The following PTPN14 variants were observed in gnomAD, a reference collection of about 807,000 sequenced individuals.
PTPN14 encodes tyrosine-protein phosphatase non-receptor type 14.
A neutral mutation model predicts 126.8 loss-of-function variants in PTPN14; 53 were observed. That is an observed-to-expected ratio of 0.42 (90% CI 0.34 to 0.53). PTPN14 has a LOEUF of 0.53. Ranked by LOEUF, PTPN14 falls within the 20% of genes least tolerant of loss-of-function variation. The pLI is 0.08. For synonymous variants in PTPN14, 630 were observed against 599.3 expected, an observed-to-expected ratio of 1.05 and a Z score of -0.75; for missense variants, 1,257 against 1,552.9, an observed-to-expected ratio of 0.81 and a Z score of 3.20.
At chr1:214,548,351 G>A (rs1656023418) in intron 1 of PTPN14, among the ~76,000 whole-genome samples, 1 of 152,122 alleles carries the variant, frequency 6.6e-6, no homozygotes, top group Admixed American at 6.5e-5. Context: ...TGCATACAGA[G>A]GAAGCGTAAA....
intron 5 of PTPN14, among the ~76,000 whole-genome samples, chr1:214,404,755 G>A (rs1659122898): frequency 6.6e-6 from 1 of 152,142 alleles, no homozygotes. Flanking sequence ...CACACCTGTG[G>A]AGCGCCTTGT....
chr1:214,403,090 T>C, intron 5 of PTPN14, 137 bp from the exon 6 acceptor site: 1 of 770,144 alleles, frequency 1.3e-6, no homozygotes, highest in Non-Finnish European at 2.1e-6. Context: ...GCTGTAGAAT[T>C]AAAGGTTGTA....
At chr1:214,417,224 A>G (rs1160776237) in intron 3 of PTPN14, among the ~76,000 whole-genome samples, 1 of 152,224 alleles carries the variant, frequency 6.6e-6, no homozygotes, top group African/African-American at 2.4e-5. Flanking sequence ...ATTGGTGAAC[A>G]TAATTTTGCT....
intron 3 of PTPN14, among the ~76,000 whole-genome samples, chr1:214,445,890 G>C (rs560163997): frequency 6.6e-6 from 1 of 152,210 alleles, no homozygotes; most frequent in African/African-American, 2.4e-5. Context: ...TTTATAATGA[G>C]CCTGTTGCTA....
chr1:214,412,755 C>T (rs1339097284), intron 4 of PTPN14, among the ~76,000 whole-genome samples: 3 of 152,190 alleles, frequency 2.0e-5, no homozygotes, highest in Non-Finnish European at 4.4e-5. Context: ...AAAGGGAATC[C>T]AGAGTAAGTT....
chr1:214,535,374 C>A (rs912649478), intron 1 of PTPN14, among the ~76,000 whole-genome samples: 2 of 152,184 alleles, frequency 1.3e-5, no homozygotes, highest in Non-Finnish European at 2.9e-5. Context: ...AAATCTAGTG[C>A]AAAGGTTATT....
At chr1:214,547,544 T>C (rs1002022302) in intron 1 of PTPN14, among the ~76,000 whole-genome samples, 6 of 152,216 alleles carry the variant, frequency 3.9e-5, no homozygotes, top group African/African-American at 7.2e-5. Flanking sequence ...AACCAGTGGC[T>C]GGCATTACAC....
intron 4 of PTPN14, 134 bp from the exon 5 acceptor site, chr1:214,411,885 C>A: frequency 2.0e-6 from 1 of 506,268 alleles, no homozygotes; most frequent in Non-Finnish European, 3.4e-6. Context: ...AAAAATAGTG[C>A]CAAGATATGT....
intron 1 of PTPN14, among the ~76,000 whole-genome samples, chr1:214,475,136 CATA>C (rs1255001737): frequency 1.3e-5 from 2 of 152,012 alleles, no homozygotes; most frequent in Non-Finnish European, 2.9e-5. Context: ...CTAAAATTTC[CATA>C]ATAATAAGCT....
In PTPN14 at chr1:214,383,914, G is replaced by A; in HGVS notation, c.1941C>T (p.Asn647=). The change falls in exon 13 of 19, where the codon AAC becomes AAT. Residue 647 remains asparagine (N), a synonymous_variant. Transcript: ENST00000366956. This position sits in a 1 kb window ranked among gnomAD's most constrained non-coding sequence, Gnocchi z 4.4. Reference sequence around the variant, plus strand: ...TGGCCTCCATGCCCCGCACCATGCTGTTCATCACCTCCAGGCTGTGGCGCT... The same window carrying A: ...TGGCCTCCATGCCCCGCACCATGCTATTCATCACCTCCAGGCTGTGGCGCT... ...VNKRHSLEVM[N]SMVRGMEAMT... The A allele has an allele frequency of 5.0e-6, 8 of 1,613,414 alleles. No individual in the cohort carries two copies. The highest frequency in any genetic ancestry group is 1.1e-5 in the South Asian group (1 of 91,084).
intron 1 of PTPN14, among the ~76,000 whole-genome samples, chr1:214,538,476 T>C (rs964526040): frequency 6.6e-6 from 1 of 152,204 alleles, no homozygotes; most frequent in Non-Finnish European, 1.5e-5. Flanking sequence ...AGCTCTGCTG[T>C]ATAAAAGGCC....
rs571973151 is a variant in PTPN14 at position 214,445,920 on chromosome 1, T to C, written c.344+5885A>G. 1.4e-4 allele frequency among the ~76,000 whole-genome samples: 21 copies of C among 152,300 alleles called. 1 individual carries two copies. In the South Asian group the frequency reaches 4.4e-3, roughly 32 times the overall value. ...TTGCTATGCAAATCATTAAAACACATTACAAAAATCTTTCCTTTGAGTCAG... is the reference window on the plus strand; with the variant it reads ...TTGCTATGCAAATCATTAAAACACACTACAAAAATCTTTCCTTTGAGTCAG... On this transcript the variant is annotated intron_variant, in intron 3 of 18. Transcript: ENST00000366956.
chr1:214,371,789 C>T (rs947581517), intron 16 of PTPN14, among the ~76,000 whole-genome samples: 2 of 152,084 alleles, frequency 1.3e-5, no homozygotes, highest in Non-Finnish European at 1.5e-5. Context: ...CTTTAAAGAG[C>T]CTGATGTCCC....
chr1:214,411,667 A>G lies in PTPN14; in HGVS notation c.510+17T>C. On this transcript the variant is annotated intron_variant, in intron 5 of 18. Coordinates refer to ENST00000366956, the MANE Select transcript of PTPN14 (RefSeq NM_005401.5). Reference sequence around the variant, plus strand: ...AGAAGGTAGAAAATTAATTAAGAAAAATGAAATTACACTTACCATAGGAAA... The same window carrying G: ...AGAAGGTAGAAAATTAATTAAGAAAGATGAAATTACACTTACCATAGGAAA... The G allele has an allele frequency of 6.9e-7, 1 of 1,450,786 alleles. No homozygotes were observed. The highest frequency in any genetic ancestry group is 2.1e-5 in the Admixed American group (1 of 47,552). The allele number at this position is 1,450,786 out of a possible 1,614,324, so 89.9% of individuals were successfully genotyped here.
Position 214,402,918 on chromosome 1 carries a change from C to A in PTPN14, c.546G>T (p.Leu182=), listed in dbSNP as rs754211201. 1 of 1,613,954 alleles carries A rather than the reference C, an allele frequency of 6.2e-7. No individual in the cohort carries two copies. The highest frequency in any genetic ancestry group is 1.1e-5 in the South Asian group (1 of 91,064). The change falls in exon 6 of 19, where the codon CTG becomes CTT. Residue 182 remains leucine, a synonymous_variant. Coordinates refer to ENST00000366956, the MANE Select transcript of PTPN14 (RefSeq NM_005401.5). ...LALEEAVLEE[L]TQKVAQEHKA... ...TGTGTTCTTGGGCTACCTTCTGGGT[C>A]AGCTCCTCCAGAACAGCCTCTTCCA...
chr1:214,454,829 G>A (rs1042130067), intron 2 of PTPN14, among the ~76,000 whole-genome samples: 2 of 152,126 alleles, frequency 1.3e-5, no homozygotes, highest in Admixed American at 6.6e-5. Flanking sequence ...TGGAAGAAAC[G>A]GGGTGTCCAG....
chr1:214,547,847 C>T (rs1656009595), intron 1 of PTPN14, among the ~76,000 whole-genome samples: 1 of 151,986 alleles, frequency 6.6e-6, no homozygotes. Context: ...CTCTCAATTT[C>T]CTCTTGTAGG....
rs1436823650 is a variant in PTPN14, at chr1:214,364,477, G to T, written c.3435+35C>A. 1 of 1,604,466 alleles carries T rather than the reference G, an allele frequency of 6.2e-7. No homozygotes were observed. The highest frequency in any genetic ancestry group is 1.3e-5 in the African/African-American group (1 of 74,896). On this transcript the variant is annotated intron_variant, in intron 18 of 18. Transcript: ENST00000366956. This position sits in a 1 kb window ranked among gnomAD's most constrained non-coding sequence, Gnocchi z 4.1. ...GCCAGGGTGTAGACTTGTCCCCAAG[G>T]TGGAGTATCCGGAGAGAAGCCCAGA...
rs1160118206 is a variant in PTPN14, at chr1:214,383,447, G to C, written c.2408C>G (p.Ser803Cys). ...RTDPPAVNGASLGPSISEPDL... is the reference protein window; with the variant it reads ...RTDPPAVNGACLGPSISEPDL... ...GGGTTCCGAGATGGATGGGCCGAGA[G>C]AGGCCCCGTTGACAGCCGGCGGGTC... is the stretch of plus-strand genomic sequence containing the variant. Residue 803 changes from serine to cysteine, a missense_variant, in exon 13 of 19, where the codon TCT (serine) becomes TGT (cysteine). Around this residue, in one of 3 missense-constraint regions of PTPN14, gnomAD observed 1,021 missense variants for 1,183.3 expected, o/e 0.86. Coordinates refer to ENST00000366956, the MANE Select transcript of PTPN14 (RefSeq NM_005401.5). This position sits in a 1 kb window ranked among gnomAD's most constrained non-coding sequence, Gnocchi z 4.4. The C allele has an allele frequency of 3.7e-6, 6 of 1,614,270 alleles. No homozygotes were observed. The highest frequency in any genetic ancestry group is 2.2e-5 in the East Asian group (1 of 44,884).
Sources: gnomAD v4.1 joint callset for allele counts (sites outside exome capture counted in the v4.1 genomes callset) on GRCh38, gnomAD v4.1.1 for gene constraint, gnomAD v4.1.1 regional missense constraint, Gnocchi (gnomAD v3.1) non-coding constraint, MANE v1.5 for transcripts, NCBI Gene and HGNC (gene_info 2026-07-23, HGNC 2026-07-21) for gene names.